The following KBTBD13 variants were observed in gnomAD, a reference collection of about 807,000 sequenced individuals.
KBTBD13 encodes kelch repeat and BTB domain-containing protein 13.
Under a neutral mutation model 25.4 loss-of-function variants are expected in KBTBD13, and 32 were observed. The ratio of observed to expected loss-of-function variants is 1.26; its 90% CI spans 0.95 to 1.69. The LOEUF (loss-of-function observed/expected upper bound fraction) is 1.69, where lower values mean the gene tolerates loss of function less well. Ranked by LOEUF, KBTBD13 falls within the 40% of genes most tolerant of loss-of-function variation. The pLI is 0.00. For synonymous variants in KBTBD13, 436 were observed against 329.8 expected, an observed-to-expected ratio of 1.32 and a Z score of -3.49; for missense variants, 898 against 679.5, an observed-to-expected ratio of 1.32 and a Z score of -3.57.
rs1158844505 is a variant in KBTBD13 at position 65,077,800 on chromosome 15, G to T, written c.985G>T (p.Ala329Ser). Reference protein sequence around the residue: ...AVVEYAVRTDAWLPVAELRRP... With the variant: ...AVVEYAVRTDSWLPVAELRRP... ...GGTGGAGTACGCAGTGCGGACCGAC[G>T]CGTGGCTGCCAGTGGCCGAGCTGCG... The change falls in exon 1 of 1, where the codon GCG becomes TCG. Residue 329 changes from alanine (A) to serine (S), a missense_variant. Coordinates refer to ENST00000432196, the MANE Select transcript of KBTBD13 (RefSeq NM_001101362.3). The T allele has an allele frequency of 6.3e-7, 1 of 1,597,438 alleles. No individual in the cohort carries two copies.
Position 65,079,710 on chromosome 15 carries a change from T to TC in KBTBD13, c.*1523dup, listed in dbSNP as rs2087020537. Among the ~76,000 whole-genome samples the TC allele has an allele frequency of 6.6e-6, 1 of 152,106 alleles. No homozygotes were observed. The highest frequency in any genetic ancestry group is 2.4e-5 in the African/African-American group (1 of 41,420). ...TCTGGGTGGTTCTCATTGGTCTCCA[T>TC]CCCCCAGGACCTGAGGCCCATGGGG... On this transcript the variant is annotated 3_prime_UTR_variant, in exon 1 of 1. Transcript: ENST00000432196.
Position 65,077,973 on chromosome 15 carries a change from C to A in KBTBD13, c.1158C>A (p.Phe386Leu). Residue 386 changes from phenylalanine to leucine, a missense_variant, in exon 1 of 1, where the codon TTC becomes TTA. Phe to Leu is a conservative substitution (Grantham distance 22, BLOSUM62 0). Coordinates refer to ENST00000432196, the MANE Select transcript of KBTBD13 (RefSeq NM_001101362.3). ...TGQWTALPGQFVNSKGALFTA... is the reference protein window; with the variant it reads ...TGQWTALPGQLVNSKGALFTA... ...AGTGGACGGCGCTGCCCGGCCAGTT[C>A]GTCAACAGCAAGGGAGCGCTCTTCA... is the stretch of plus-strand genomic sequence containing the variant. The A allele has an allele frequency of 6.2e-7, 1 of 1,610,970 alleles. No homozygotes were observed.
chr15:65,077,438 G>T lies in KBTBD13; in HGVS notation c.623G>T (p.Gly208Val). 6.5e-7 allele frequency: 1 copy of T among 1,528,518 alleles called. No individual in the cohort carries two copies. The allele number at this position is 1,528,518 out of a possible 1,614,324, so 94.7% of individuals were successfully genotyped here. A position where few individuals can be genotyped will look rare whatever the true frequency, so the allele number is the denominator to read the frequency against. Residue 208 changes from glycine (G) to valine (V), a missense_variant, in exon 1 of 1, where the codon GGC becomes GTC. By Grantham distance (109) the Gly-to-Val change is moderately radical (BLOSUM62 -3). Transcript: ENST00000432196. ...STLLAGVATL[G>V]NKLYIVGGVR... ...TTGCTGGCCGGGGTGGCCACGCTGGGCAACAAGCTTTACATCGTGGGGGGC... is the reference window on the plus strand; with the variant it reads ...TTGCTGGCCGGGGTGGCCACGCTGGTCAACAAGCTTTACATCGTGGGGGGC...
chr15:65,078,064 G>C lies in KBTBD13; in HGVS notation c.1249G>C (p.Glu417Gln), dbSNP rs1319872121. 1.2e-6 allele frequency: 2 copies of C among 1,600,328 alleles called. No homozygotes were observed. The highest frequency in any genetic ancestry group is 1.7e-5 in the Admixed American group (1 of 59,606). ...NRMFTLLYAIEGGTWRLLREK... is the reference protein window; with the variant it reads ...NRMFTLLYAIQGGTWRLLREK... ...CATGTTCACGCTGCTCTACGCCATC[G>C]AGGGCGGCACCTGGCGGCTGCTCAG... Residue 417 changes from glutamate (E) to glutamine (Q), a missense_variant, in exon 1 of 1, where the codon GAG becomes CAG. Physicochemically the swap from Glu to Gln is conservative, Grantham distance 29. Coordinates refer to ENST00000432196, the MANE Select transcript of KBTBD13 (RefSeq NM_001101362.3).
rs779342567 is a variant in KBTBD13 at position 65,077,923 on chromosome 15, G to T, written c.1108G>T (p.Asp370Tyr). The change falls in exon 1 of 1, where the codon GAC becomes TAC. Residue 370 changes from aspartate to tyrosine, a missense_variant. By Grantham distance (160) the Asp-to-Tyr change is radical (BLOSUM62 -3). Coordinates refer to ENST00000432196, the MANE Select transcript of KBTBD13 (RefSeq NM_001101362.3). ...PSDDFLHCAI[D>Y]CLNLATGQWT... is the part of the protein sequence containing the mutation. ...CGACGACTTCCTGCACTGCGCCATC[G>T]ACTGTCTCAACCTGGCCACGGGCCA... The T allele has an allele frequency of 1.2e-6, 2 of 1,611,928 alleles. No individual in the cohort carries two copies. The highest frequency in any genetic ancestry group is 1.7e-6 in the Non-Finnish European group (2 of 1,179,782).
rs2086979086 is a variant in KBTBD13, at chr15:65,076,984, G to C, written c.169G>C (p.Gly57Arg). ...EVRLGVLSAGGFRATLQVLRG... is the reference protein window; with the variant it reads ...EVRLGVLSAGRFRATLQVLRG... ...GCGCCTGGGCGTTCTGAGCGCGGGA[G>C]GTTTCCGCGCCACGCTGCAGGTGCT... Residue 57 changes from glycine to arginine, a missense_variant, in exon 1 of 1, where the codon GGT (glycine) becomes CGT (arginine). Gly to Arg is a moderately radical substitution (Grantham distance 125). Coordinates refer to ENST00000432196, the MANE Select transcript of KBTBD13 (RefSeq NM_001101362.3). 1 of 1,538,174 alleles carries C rather than the reference G, an allele frequency of 6.5e-7. No individual in the cohort carries two copies. The highest frequency in any genetic ancestry group is 8.7e-7 in the Non-Finnish European group (1 of 1,148,328).
chr15:65,077,838 C>A lies in KBTBD13; in HGVS notation c.1023C>A (p.Ser341Arg). 1 of 1,609,784 alleles carries A rather than the reference C, an allele frequency of 6.2e-7. No homozygotes were observed. The highest frequency in any genetic ancestry group is 8.5e-7 in the Non-Finnish European group (1 of 1,179,580). Residue 341 changes from serine to arginine, a missense_variant, in exon 1 of 1, where the codon AGC (serine) becomes AGA (arginine). Physicochemically the swap from Ser to Arg is moderately radical, Grantham distance 110. Coordinates refer to ENST00000432196, the MANE Select transcript of KBTBD13 (RefSeq NM_001101362.3). ...LPVAELRRPQ[S>R]YGHCMVAHRD... is the part of the protein sequence containing the mutation. ...TGGCCGAGCTGCGGCGTCCGCAGAGCTATGGCCACTGCATGGTGGCCCACC... is the reference window on the plus strand; with the variant it reads ...TGGCCGAGCTGCGGCGTCCGCAGAGATATGGCCACTGCATGGTGGCCCACC...
chr15:65,076,814 C>CCATG lies in KBTBD13; in HGVS notation c.-1_3dup. On this transcript the variant is annotated 5_prime_UTR_variant, in exon 1 of 1. It adds an upstream start codon to the 5' untranslated region. Transcript: ENST00000432196. Reference sequence around the variant, plus strand: ...CGGCAGCCTCCGCCCGGCCAGCTCGCCATGGCACGGGGTCCACAGACCCTG... The same window carrying CCATG: ...CGGCAGCCTCCGCCCGGCCAGCTCGCCATGCATGGCACGGGGTCCACAGACCCTG... 3 of 1,523,270 alleles carry CCATG rather than the reference C, an allele frequency of 2.0e-6. No individual in the cohort carries two copies. Among genetic ancestry groups the CCATG allele is most frequent in the Non-Finnish European group, 1.8e-6 (2 of 1,136,838 alleles). The allele number at this position is 1,523,270 out of a possible 1,614,324, so 94.4% of individuals were successfully genotyped here.
chr15:65,077,814 G>T lies in KBTBD13; in HGVS notation c.999G>T (p.Val333=). ...TGCGGACCGACGCGTGGCTGCCAGT[G>T]GCCGAGCTGCGGCGTCCGCAGAGCT... is the stretch of plus-strand genomic sequence containing the variant. The part of the protein sequence containing the change: ...YAVRTDAWLP[V]AELRRPQSYG... The change falls in exon 1 of 1, where the codon GTG becomes GTT. Residue 333 remains valine (V), a synonymous_variant. Coordinates refer to ENST00000432196, the MANE Select transcript of KBTBD13 (RefSeq NM_001101362.3). 6.2e-7 allele frequency: 1 copy of T among 1,603,158 alleles called. No homozygotes were observed. The highest frequency in any genetic ancestry group is 8.5e-7 in the Non-Finnish European group (1 of 1,177,880).
Position 65,077,713 on chromosome 15 carries a change from T to C in KBTBD13, c.898T>C (p.Cys300Arg). 2 of 1,585,896 alleles carry C rather than the reference T, an allele frequency of 1.3e-6. No homozygotes were observed. Among genetic ancestry groups the C allele is most frequent in the Non-Finnish European group, 1.7e-6 (2 of 1,170,834 alleles). Reference sequence around the variant, plus strand: ...GCCGCAGCCGGCCGCCGGCGTGCCCTGCGCCCAGGCTTGTGGCCGTCTCTT... The same window carrying C: ...GCCGCAGCCGGCCGCCGGCGTGCCCCGCGCCCAGGCTTGTGGCCGTCTCTT... ...DLPQPAAGVPCAQACGRLFVC... is the reference protein window; with the variant it reads ...DLPQPAAGVPRAQACGRLFVC... The change falls in exon 1 of 1, where the codon TGC (cysteine) becomes CGC (arginine). Residue 300 changes from cysteine (C) to arginine (R), a missense_variant. Physicochemically the swap from Cys to Arg is radical, Grantham distance 180. Transcript: ENST00000432196.
rs760907768 is a variant in KBTBD13 at position 65,077,605 on chromosome 15, G to A, written c.790G>A (p.Gly264Ser). The A allele has an allele frequency of 5.7e-6, 9 of 1,579,370 alleles. No individual in the cohort carries two copies. Among genetic ancestry groups the A allele is most frequent in the African/African-American group, 1.3e-5 (1 of 74,236 alleles). Residue 264 changes from glycine (G) to serine (S), a missense_variant, in exon 1 of 1, where the codon GGC becomes AGC. Physicochemically the swap from Gly to Ser is moderately conservative, Grantham distance 56. Coordinates refer to ENST00000432196, the MANE Select transcript of KBTBD13 (RefSeq NM_001101362.3). ...AGFDGRLYAIGGEFQRTPISS... is the reference protein window; with the variant it reads ...AGFDGRLYAISGEFQRTPISS... ...CTTCGACGGCCGCCTCTACGCCATC[G>A]GCGGCGAATTCCAGAGGACGCCCAT...
Position 65,077,357 on chromosome 15 carries a change from A to C in KBTBD13, c.542A>C (p.Asp181Ala), listed in dbSNP as rs1386416146. Residue 181 changes from aspartate (D) to alanine (A), a missense_variant, in exon 1 of 1, where the codon GAC (aspartate) becomes GCC (alanine). Coordinates refer to ENST00000432196, the MANE Select transcript of KBTBD13 (RefSeq NM_001101362.3). ...GCCTCGCGCACGCTGTGTTACCTGGACGAGGAAGAGGACGCGTGGCGCACG... is the reference window on the plus strand; with the variant it reads ...GCCTCGCGCACGCTGTGTTACCTGGCCGAGGAAGAGGACGCGTGGCGCACG... ...EDASRTLCYLDEEEDAWRTLA... is the reference protein window; with the variant it reads ...EDASRTLCYLAEEEDAWRTLA... 1.3e-6 allele frequency: 2 copies of C among 1,500,232 alleles called. No individual in the cohort carries two copies. The highest frequency in any genetic ancestry group is 2.1e-5 in the Admixed American group (1 of 47,608). The allele number at this position is 1,500,232 out of a possible 1,614,324, so 92.9% of individuals were successfully genotyped here. A position where few individuals can be genotyped will look rare whatever the true frequency, so the allele number is the denominator to read the frequency against.
rs1338093433 is a variant in KBTBD13 at position 65,078,562 on chromosome 15, A to G, written c.*370A>G. ...GAATTAGGCACCTACTGTATGCCCA[A>G]TACAGTGTTATGCGTAATGAGAGCC... On this transcript the variant is annotated 3_prime_UTR_variant, in exon 1 of 1. Transcript: ENST00000432196. 1.3e-5 allele frequency among the ~76,000 whole-genome samples: 2 copies of G among 152,216 alleles called. No homozygotes were observed. Among genetic ancestry groups the G allele is most frequent in the East Asian group, 3.8e-4 (2 of 5,198 alleles).
Position 65,077,383 on chromosome 15 carries a change from C to T in KBTBD13, c.568C>T (p.Leu190=), listed in dbSNP as rs1204807944. The T allele has an allele frequency of 1.3e-6, 2 of 1,515,060 alleles. No homozygotes were observed. The highest frequency in any genetic ancestry group is 2.0e-5 in the Admixed American group (1 of 49,776). The allele number at this position is 1,515,060 out of a possible 1,614,324, so 93.9% of individuals were successfully genotyped here. ...LDEEEDAWRT[L]AALPLEASTL... is the part of the protein sequence containing the mutation. ...CGAGGAAGAGGACGCGTGGCGCACG[C>T]TGGCTGCGCTGCCCCTGGAGGCCAG... The change falls in exon 1 of 1, where the codon CTG becomes TTG. Residue 190 remains leucine (L), a synonymous_variant. Coordinates refer to ENST00000432196, the MANE Select transcript of KBTBD13 (RefSeq NM_001101362.3).
In KBTBD13 at chr15:65,078,021, C is replaced by G. The variant is rs2087006106; in HGVS notation, c.1206C>G (p.Thr402=). Residue 402 remains threonine, a synonymous_variant, in exon 1 of 1, where the codon ACC becomes ACG. Transcript: ENST00000432196. The part of the protein sequence containing the change: ...ALFTAVVRGD[T]VYTVNRMFTL... Reference sequence around the variant, plus strand: ...TCACGGCCGTGGTGCGCGGTGACACCGTCTATACGGTCAACCGCATGTTCA... The same window carrying G: ...TCACGGCCGTGGTGCGCGGTGACACGGTCTATACGGTCAACCGCATGTTCA... The G allele has an allele frequency of 6.2e-7, 1 of 1,604,800 alleles. No homozygotes were observed.
rs1159047768 is a variant in KBTBD13 at position 65,078,202 on chromosome 15, T to C, written c.*10T>C. ...AACGGCAGAACTGTGACCTCTGGGC[T>C]GGCTTTAGGAGGGAGGAGACGCCGC... On this transcript the variant is annotated 3_prime_UTR_variant, in exon 1 of 1. Transcript: ENST00000432196. 5.9e-6 allele frequency: 9 copies of C among 1,535,704 alleles called. No individual in the cohort carries two copies. The South Asian group carries it at 9.5e-5, about 16-fold the overall frequency.
chr15:65,078,666 G>T lies in KBTBD13; in HGVS notation c.*474G>T, dbSNP rs897151232. 6.6e-6 allele frequency among the ~76,000 whole-genome samples: 1 copy of T among 152,064 alleles called. No individual in the cohort carries two copies. Among genetic ancestry groups the T allele is most frequent in the East Asian group, 1.9e-4 (1 of 5,196 alleles). ...TTAACAGTTACAGGACAACAAAAAG[G>T]TTTACACACAACTTGATCCACAGAG... On this transcript the variant is annotated 3_prime_UTR_variant, in exon 1 of 1. Coordinates refer to ENST00000432196, the MANE Select transcript of KBTBD13 (RefSeq NM_001101362.3).
chr15:65,076,750 G>C lies in KBTBD13; in HGVS notation c.-66G>C. On this transcript the variant is annotated 5_prime_UTR_variant, in exon 1 of 1. Transcript: ENST00000432196. ...CCCAGGGAAGTTTTTTGCTCCAGGGGAGCCCCAGAGTTGGTGGCTGGCTAA... is the reference window on the plus strand; with the variant it reads ...CCCAGGGAAGTTTTTTGCTCCAGGGCAGCCCCAGAGTTGGTGGCTGGCTAA... 1 of 1,427,478 alleles carries C rather than the reference G, an allele frequency of 7.0e-7. No homozygotes were observed. 88.4% of individuals were successfully genotyped at this position (1,427,478 alleles called of 1,614,324 possible). A position where few individuals can be genotyped will look rare whatever the true frequency, so the allele number is the denominator to read the frequency against.
rs532324778 is a variant in KBTBD13, at chr15:65,077,740, G to T, written c.925G>T (p.Val309Leu). Residue 309 changes from valine (V) to leucine (L), a missense_variant, in exon 1 of 1, where the codon GTG (valine) becomes TTG (leucine). Transcript: ENST00000432196. ...CGCCCAGGCTTGTGGCCGTCTCTTCGTGTGCCTGTGGCGGCCGGCCGACAC... is the reference window on the plus strand; with the variant it reads ...CGCCCAGGCTTGTGGCCGTCTCTTCTTGTGCCTGTGGCGGCCGGCCGACAC... ...PCAQACGRLF[V>L]CLWRPADTTA... The T allele has an allele frequency of 1.3e-6, 2 of 1,584,280 alleles. No homozygotes were observed. Among genetic ancestry groups the T allele is most frequent in the Non-Finnish European group, 1.7e-6 (2 of 1,170,870 alleles).
Sources: allele counts gnomAD v4.1 joint callset (sites outside exome capture counted in the v4.1 genomes callset), GRCh38; gene constraint gnomAD v4.1.1; transcripts MANE v1.5; gene names NCBI Gene and HGNC (gene_info 2026-07-23, HGNC 2026-07-21).